The following DERA variants were observed in gnomAD, a reference collection of about 807,000 sequenced individuals.
The protein encoded by DERA is deoxyribose-phosphate aldolase.
DERA carries 15 observed loss-of-function variants against 41.1 expected under a neutral mutation model. The ratio of observed to expected loss-of-function variants is 0.37; its 90% confidence interval spans 0.24 to 0.56. The LOEUF (loss-of-function observed/expected upper bound fraction) is 0.56, where lower values mean the gene tolerates loss of function less well. Ranked by LOEUF, DERA falls within the 20% of genes least tolerant of loss-of-function variation. The probability of loss-of-function intolerance (pLI) is 0.81; values close to 1 mark genes in which losing one functional copy is unlikely to be tolerated. For missense variants in DERA, 396 were observed against 403.4 expected, an observed-to-expected ratio of 0.98 and a Z score of 0.16; for synonymous variants, 139 against 137.4, an observed-to-expected ratio of 1.01 and a Z score of -0.08.
chr12:16,002,142 T>TCCA (rs1948879885), intron 6 of DERA, among the ~76,000 whole-genome samples: 1 of 122,218 alleles, frequency 8.2e-6, no homozygotes, highest in Non-Finnish European at 1.7e-5. Context: ...CCCTCCCCCT[T>TCCA]CCCCACAACA....
rs1565599051 is a variant in DERA at position 15,966,924 on chromosome 12, G to A, written c.508+3977G>A. On this transcript the variant is annotated intron_variant, in intron 5 of 8. Coordinates refer to ENST00000428559, the MANE Select transcript of DERA (RefSeq NM_015954.4). The surrounding 1 kb of genome is among the most constrained non-coding windows in gnomAD (Gnocchi z 5.1). ...AGCACCAGGACCACCTGGACCCGGG[G>A]CCACCTGCTCCAGAACTCGTATTCC... Among the ~76,000 whole-genome samples the A allele has an allele frequency of 1.3e-5, 2 of 152,178 alleles. No individual in the cohort carries two copies. The highest frequency in any genetic ancestry group is 3.9e-4 in the East Asian group (2 of 5,174).
intron 5 of DERA, among the ~76,000 whole-genome samples, chr12:15,964,631 G>A (rs564700397): frequency 4.6e-5 from 7 of 152,312 alleles, no homozygotes; most frequent in South Asian, 4.1e-4. Flanking sequence ...GTGAGTAAGC[G>A]TAGTATTTAA....
chr12:15,968,029 C>A (rs1375629781), intron 5 of DERA, among the ~76,000 whole-genome samples: 1 of 151,860 alleles, frequency 6.6e-6, no homozygotes, highest in Non-Finnish European at 1.5e-5. Context: ...GTTCTCCTTC[C>A]CCACCAGTCC....
chr12:15,988,906 G>A lies in DERA; in HGVS notation c.637+6470G>A, dbSNP rs921854128. Among the ~76,000 whole-genome samples the A allele has an allele frequency of 6.6e-6, 1 of 152,230 alleles. No homozygotes were observed. The highest frequency in any genetic ancestry group is 2.4e-5 in the African/African-American group (1 of 41,466). ...CCCAAAGTCCAGAGGGGGCCAAGGCGGTGGGAGGCTGGCGTGTCAGCGCTG... is the reference window on the plus strand; with the variant it reads ...CCCAAAGTCCAGAGGGGGCCAAGGCAGTGGGAGGCTGGCGTGTCAGCGCTG... On this transcript the variant is annotated intron_variant, in intron 6 of 8. Coordinates refer to ENST00000428559, the MANE Select transcript of DERA (RefSeq NM_015954.4). The surrounding 1 kb of genome is among the most constrained non-coding windows in gnomAD (Gnocchi z 6.0).
Position 15,983,217 on chromosome 12 carries a change from G to A in DERA, c.637+781G>A, listed in dbSNP as rs1948744108. 6.6e-6 allele frequency among the ~76,000 whole-genome samples: 1 copy of A among 151,886 alleles called. No homozygotes were observed. Among genetic ancestry groups the A allele is most frequent in the Admixed American group, 6.6e-5 (1 of 15,250 alleles). On this transcript the variant is annotated intron_variant, in intron 6 of 8. Transcript: ENST00000428559. The surrounding 1 kb of genome is among the most constrained non-coding windows in gnomAD (Gnocchi z 6.2). ...TTTTTTTAATGCTAATTTTATTATGGTACTGCTTGCTTAAAATTCCTTCAG... is the reference window on the plus strand; with the variant it reads ...TTTTTTTAATGCTAATTTTATTATGATACTGCTTGCTTAAAATTCCTTCAG...
chr12:16,001,155 C>T lies in DERA; in HGVS notation c.637+18719C>T, dbSNP rs975560655. 9.9e-5 allele frequency among the ~76,000 whole-genome samples: 15 copies of T among 152,118 alleles called. No homozygotes were observed. The highest frequency in any genetic ancestry group is 2.1e-4 in the South Asian group (1 of 4,822). ...TACTCTATTTCTTCCTGCTAAAATT[C>T]GGGCTCCCATTAGAGGATGGGTCAG... On this transcript the variant is annotated intron_variant, in intron 6 of 8. Transcript: ENST00000428559. This position sits in a 1 kb window ranked among gnomAD's most constrained non-coding sequence, Gnocchi z 4.1.
intron 6 of DERA, among the ~76,000 whole-genome samples, chr12:15,997,106 T>TA (rs1299568029): frequency 2.0e-5 from 3 of 152,090 alleles, no homozygotes; most frequent in Non-Finnish European, 4.4e-5. Context: ...GACTTTGTAA[T>TA]AAAAATACAG....
Position 15,935,335 on chromosome 12 carries a change from A to T in DERA, c.32-21601A>T, listed in dbSNP as rs886550555. Among the ~76,000 whole-genome samples, 1 of 151,944 alleles carries T rather than the reference A, an allele frequency of 6.6e-6. No homozygotes were observed. Among genetic ancestry groups the T allele is most frequent in the African/African-American group, 2.4e-5 (1 of 41,340 alleles). Reference sequence around the variant, plus strand: ...AACCCTGTCTCTACAAAAAATATAAAAATTAGCCAGGTGTGGTGGCATCCA... The same window carrying T: ...AACCCTGTCTCTACAAAAAATATAATAATTAGCCAGGTGTGGTGGCATCCA... On this transcript the variant is annotated intron_variant, in intron 1 of 8. Coordinates refer to ENST00000428559, the MANE Select transcript of DERA (RefSeq NM_015954.4). The surrounding 1 kb of genome is among the most constrained non-coding windows in gnomAD (Gnocchi z 4.8).
intron 6 of DERA, among the ~76,000 whole-genome samples, chr12:16,006,710 C>T (rs1948913328): frequency 6.6e-6 from 1 of 152,230 alleles, no homozygotes; most frequent in Non-Finnish European, 1.5e-5. Flanking sequence ...TATGAGTGTC[C>T]ACTCAGAGAC....
At chr12:16,032,411 T>C in intron 6 of DERA, 131 bp from the exon 7 acceptor site, 2 of 594,570 alleles carry the variant, frequency 3.4e-6, no homozygotes, top group African/African-American at 1.9e-5. Flanking sequence ...TTTTAGTTTT[T>C]CCAATAATTA....
rs530508622 is a variant in DERA, at chr12:15,959,758, A to G, written c.278-71A>G. 1.3e-4 allele frequency: 139 copies of G among 1,054,476 alleles called. 1 individual carries two copies. The African/African-American group carries it at 2.0e-3, about 15-fold the overall frequency. 65.3% of individuals were successfully genotyped at this position (1,054,476 alleles called of 1,614,324 possible). A position where few individuals can be genotyped will look rare whatever the true frequency, so the allele number is the denominator to read the frequency against. On this transcript the variant is annotated intron_variant, in intron 3 of 8. Transcript: ENST00000428559. This position sits in a 1 kb window ranked among gnomAD's most constrained non-coding sequence, Gnocchi z 4.5. ...GATTTTTGCCAGTGTTGCGATATAA[A>G]TAATAATTAAAAGCATGTTGTATGA...
At chr12:15,932,328 C>T (rs1363020253) in intron 1 of DERA, among the ~76,000 whole-genome samples, 1 of 152,096 alleles carries the variant, frequency 6.6e-6, no homozygotes, top group East Asian at 1.9e-4. Context: ...AATGTATGAA[C>T]CCATATGATA....
Position 15,982,085 on chromosome 12 carries a change from A to G in DERA, c.509-223A>G, listed in dbSNP as rs1230746065. Reference sequence around the variant, plus strand: ...GCTCTATGTCTCTGGACCTCAGGCCAGGGCTTAGAAACGGTTTCATGGTAG... The same window carrying G: ...GCTCTATGTCTCTGGACCTCAGGCCGGGGCTTAGAAACGGTTTCATGGTAG... On this transcript the variant is annotated intron_variant, in intron 5 of 8. Transcript: ENST00000428559. The surrounding 1 kb of genome is among the most constrained non-coding windows in gnomAD (Gnocchi z 4.0). Among the ~76,000 whole-genome samples, 1 of 152,228 alleles carries G rather than the reference A, an allele frequency of 6.6e-6. No individual in the cohort carries two copies. Among genetic ancestry groups the G allele is most frequent in the African/African-American group, 2.4e-5 (1 of 41,458 alleles).
chr12:15,920,122 C>T (rs1231132767), intron 1 of DERA, among the ~76,000 whole-genome samples: 6 of 150,652 alleles, frequency 4.0e-5, no homozygotes, highest in African/African-American at 1.5e-4. Context: ...TAGATAGAGA[C>T]TCCTTATCTG....
rs1466233635 is a variant in DERA, at chr12:15,996,272, T to A, written c.637+13836T>A. Among the ~76,000 whole-genome samples, 1 of 151,988 alleles carries A rather than the reference T, an allele frequency of 6.6e-6. No homozygotes were observed. The highest frequency in any genetic ancestry group is 1.9e-4 in the East Asian group (1 of 5,170). ...ATGGGAAAAGAGGAGTGTATTAGTT[T>A]CTTGGGCTCGCTGTAACAGAGTACC... On this transcript the variant is annotated intron_variant, in intron 6 of 8. Coordinates refer to ENST00000428559, the MANE Select transcript of DERA (RefSeq NM_015954.4). The surrounding 1 kb of genome is among the most constrained non-coding windows in gnomAD (Gnocchi z 4.7).
At chr12:15,946,585 T>G (rs1948450889) in intron 1 of DERA, among the ~76,000 whole-genome samples, 1 of 151,766 alleles carries the variant, frequency 6.6e-6, no homozygotes, top group African/African-American at 2.4e-5. Flanking sequence ...TCCCCTTTTT[T>G]TTTTATTGCA....
intron 6 of DERA, among the ~76,000 whole-genome samples, chr12:16,027,095 A>G (rs1024670923): frequency 2.6e-5 from 4 of 152,202 alleles, no homozygotes; most frequent in Admixed American, 1.3e-4. Flanking sequence ...TCCAACACCC[A>G]TTTATAAGAA....
Position 15,996,982 on chromosome 12 carries a change from A to C in DERA, c.637+14546A>C, listed in dbSNP as rs979425314. On this transcript the variant is annotated intron_variant, in intron 6 of 8. Transcript: ENST00000428559. This position sits in a 1 kb window ranked among gnomAD's most constrained non-coding sequence, Gnocchi z 4.7. ...TAGGAGATAAATTTGCTTATGAGCA[A>C]GAGACAGATACTAACAGTAGAAGGA... Among the ~76,000 whole-genome samples, 5 of 152,260 alleles carry C rather than the reference A, an allele frequency of 3.3e-5. No homozygotes were observed. Among genetic ancestry groups the C allele is most frequent in the African/African-American group, 9.6e-5 (4 of 41,478 alleles).
At chr12:15,956,101 T>C (rs905488491) in intron 1 of DERA, among the ~76,000 whole-genome samples, 5 of 152,246 alleles carry the variant, frequency 3.3e-5, no homozygotes, top group African/African-American at 1.2e-4. Flanking sequence ...TGGCTGACAA[T>C]GTACTAAGTA....
Sources: allele counts gnomAD v4.1 joint callset (sites outside exome capture counted in the v4.1 genomes callset), GRCh38; gene constraint gnomAD v4.1.1; non-coding constraint Gnocchi (gnomAD v3.1); transcripts MANE v1.5; gene names NCBI Gene and HGNC (gene_info 2026-07-23, HGNC 2026-07-21).